The following PTPRN2 variants were observed in gnomAD, a reference collection of about 807,000 sequenced individuals.
PTPRN2 encodes the protein receptor-type tyrosine-protein phosphatase N2.
Under a neutral mutation model 118.8 loss-of-function variants are expected in PTPRN2, and 74 were observed. The ratio of observed to expected loss-of-function variants is 0.62; its 90% CI spans 0.52 to 0.76. PTPRN2 has a LOEUF of 0.76. PTPRN2 is among the 30% of genes least tolerant of loss of function. The pLI, the probability that PTPRN2 is intolerant of heterozygous loss-of-function variation, is 0.00. For missense variants in PTPRN2, 1,481 were observed against 1,394.4 expected (o/e 1.06, Z -0.99); for synonymous variants, 641 against 608.0 (o/e 1.05, Z -0.80).
At chr7:157,926,549 A>G (rs542503168) in intron 11 of PTPRN2, among the ~76,000 whole-genome samples, 23 of 152,200 alleles carry the variant, frequency 1.5e-4, no homozygotes, top group Non-Finnish European at 2.9e-4. Context: ...AATATTACCT[A>G]AATGAGAAGT....
At chr7:158,545,079 C>T (rs570605450) in intron 1 of PTPRN2, among the ~76,000 whole-genome samples, 20 of 152,144 alleles carry the variant, frequency 1.3e-4, no homozygotes, top group African/African-American at 4.4e-4. Flanking sequence ...GGCACCTGCT[C>T]GGACACACCT....
At chr7:157,838,191 G>A (rs868590489) in intron 12 of PTPRN2, among the ~76,000 whole-genome samples, 20 of 149,532 alleles carry the variant, frequency 1.3e-4, no homozygotes, top group Admixed American at 8.6e-4. Flanking sequence ...ATAGTGGATG[G>A]TACGGGAGAA....
At chr7:157,804,533 G>A (rs759384877) in intron 12 of PTPRN2, among the ~76,000 whole-genome samples, 2 of 148,830 alleles carry the variant, frequency 1.3e-5, no homozygotes, top group East Asian at 1.9e-4. Context: ...GACTGTGCAC[G>A]GAGCTTCCAT....
At chr7:157,570,475 G>C (rs1796226036) in intron 20 of PTPRN2, among the ~76,000 whole-genome samples, 1 of 152,176 alleles carries the variant, frequency 6.6e-6, no homozygotes, top group African/African-American at 2.4e-5. Context: ...TTGGAGACAG[G>C]TTTCCTTTTT....
Position 157,603,109 on chromosome 7 carries a change from T to C in PTPRN2, c.2418+893A>G, listed in dbSNP as rs143302477. Among the ~76,000 whole-genome samples the C allele has an allele frequency of 4.8e-3, 735 of 152,138 alleles. 2 individuals are homozygous for C. Among genetic ancestry groups the C allele is most frequent in the Non-Finnish European group, 7.8e-3 (527 of 67,970 alleles). On this transcript the variant is annotated intron_variant, in intron 16 of 22. Transcript: ENST00000389418. This position sits in a 1 kb window ranked among gnomAD's most constrained non-coding sequence, Gnocchi z 5.4. The stretch of plus-strand genomic sequence containing the variant: ...CTGGTTTAAAGTGCCATCCGCCAGG[T>C]CTCCAAAGCCCCGGCCCTGGACAGT...
chr7:158,218,566 G>C (rs568753776), intron 3 of PTPRN2, among the ~76,000 whole-genome samples: 1 of 152,050 alleles, frequency 6.6e-6, no homozygotes, highest in Non-Finnish European at 1.5e-5. Flanking sequence ...CAAATGACAG[G>C]ATTAAATCCT....
At chr7:157,753,611 C>T (rs1273235448) in intron 12 of PTPRN2, among the ~76,000 whole-genome samples, 5 of 152,002 alleles carry the variant, frequency 3.3e-5, no homozygotes, top group Non-Finnish European at 7.4e-5. Context: ...GTCGAAGCTC[C>T]GTTCTCTACC....
At chr7:157,965,171 C>G (rs1210786451) in intron 11 of PTPRN2, among the ~76,000 whole-genome samples, 1 of 152,166 alleles carries the variant, frequency 6.6e-6, no homozygotes, top group African/African-American at 2.4e-5. Flanking sequence ...TCTTTGAGTA[C>G]CCACTTTGTG....
intron 6 of PTPRN2, among the ~76,000 whole-genome samples, chr7:158,146,857 T>C (rs961639306): frequency 6.6e-6 from 1 of 151,900 alleles, no homozygotes; most frequent in Admixed American, 6.6e-5. Flanking sequence ...GACCAATGGA[T>C]AGAACAAGCA....
chr7:158,098,630 C>T (rs1814883661), intron 10 of PTPRN2, among the ~76,000 whole-genome samples: 2 of 152,328 alleles, frequency 1.3e-5, no homozygotes, highest in South Asian at 4.1e-4. Flanking sequence ...CTCCCTCGCC[C>T]GCCCCGGCCT....
intron 2 of PTPRN2, among the ~76,000 whole-genome samples, chr7:158,334,121 C>T (rs1392513177): frequency 3.3e-4 from 17 of 50,840 alleles, no homozygotes; most frequent in East Asian, 1.8e-3. Flanking sequence ...GTCACTCACA[C>T]CCACACTCTC....
intron 12 of PTPRN2, among the ~76,000 whole-genome samples, chr7:157,736,893 G>T (rs776062049): frequency 1.3e-5 from 2 of 152,196 alleles, no homozygotes; most frequent in Non-Finnish European, 1.5e-5. Context: ...AGGGGTAACA[G>T]TTTCCCTCTA....
At chr7:158,007,882 G>A (rs28464887) in intron 11 of PTPRN2, among the ~76,000 whole-genome samples, 78,456 of 141,114 alleles carry the variant, frequency 0.56, 21,289 homozygotes, top group East Asian at 0.78. Flanking sequence ...GCATGTGCAC[G>A]TGTGTGTATG....
At chr7:157,924,196 T>C (rs1265097842) in intron 11 of PTPRN2, among the ~76,000 whole-genome samples, 3 of 152,048 alleles carry the variant, frequency 2.0e-5, no homozygotes, top group Admixed American at 6.6e-5. Context: ...CACAGGCAGG[T>C]AGAGGGGTGG....
chr7:157,790,964 C>CT (rs1009290027), intron 12 of PTPRN2, among the ~76,000 whole-genome samples: 4 of 152,128 alleles, frequency 2.6e-5, no homozygotes, highest in African/African-American at 4.8e-5. Context: ...GGTTTAATAA[C>CT]TTTTTTTAAT....
At chr7:158,272,348 G>A (rs1034221002) in intron 3 of PTPRN2, among the ~76,000 whole-genome samples, 2 of 152,230 alleles carry the variant, frequency 1.3e-5, no homozygotes, top group Non-Finnish European at 2.9e-5. Flanking sequence ...GGTCAAGGAT[G>A]AGAATTGCAG....
chr7:158,253,263 G>T (rs916001199), intron 3 of PTPRN2, among the ~76,000 whole-genome samples: 9 of 151,200 alleles, frequency 6.0e-5, no homozygotes, highest in Admixed American at 5.9e-4. Context: ...AGGACTGGAG[G>T]ACTGACCGGG....
intron 5 of PTPRN2, among the ~76,000 whole-genome samples, chr7:158,178,301 A>C (rs1010812067): frequency 6.6e-6 from 1 of 152,268 alleles, no homozygotes; most frequent in Non-Finnish European, 1.5e-5. Context: ...CCATCATCCA[A>C]GTAATGCACA....
intron 3 of PTPRN2, among the ~76,000 whole-genome samples, chr7:158,305,792 C>CAAAAAAA (rs113374723): frequency 4.1e-4 from 48 of 116,256 alleles, no homozygotes; most frequent in African/African-American, 1.4e-3. Context: ...GCAATTTACT[C>CAAAAAAA]AAAAAAAAAA....
Sources: gnomAD v4.1 joint callset for allele counts (sites outside exome capture counted in the v4.1 genomes callset) on GRCh38, gnomAD v4.1.1 for gene constraint, Gnocchi (gnomAD v3.1) non-coding constraint, MANE v1.5 for transcripts, NCBI Gene and HGNC (gene_info 2026-07-23, HGNC 2026-07-21) for gene names.